BIRC6: variants seen among roughly 807,000 people sequenced by gnomAD.
The protein encoded by BIRC6 is baculoviral IAP repeat containing 6, also known as dual E2 ubiquitin-conjugating enzyme/E3 ubiquitin-protein ligase BIRC6.
BIRC6 carries 98 observed loss-of-function variants against 503.3 expected under a neutral mutation model. The observed-to-expected ratio is 0.19, with a 90% CI of 0.17 to 0.23. BIRC6 has a LOEUF of 0.23. Ranked by LOEUF, BIRC6 falls within the 10% of genes least tolerant of loss-of-function variation. The pLI is 1.00. For missense variants in BIRC6, 5,360 were observed against 5,806.0 expected (o/e 0.92, Z 2.50); for synonymous variants, 2,240 against 2,078.7 (o/e 1.08, Z -2.11).
At position 32,469,569 on chromosome 2, in the gene BIRC6, A is replaced by G; in HGVS notation, c.6302A>G (p.Gln2101Arg). The G allele has an allele frequency of 6.2e-7, 1 of 1,613,900 alleles. No individual in the cohort carries two copies. The highest frequency in any genetic ancestry group is 1.1e-5 in the South Asian group (1 of 91,086). Reference protein sequence around the residue: ...WWGQFLSNVLQELYNSEQLLI... With the variant: ...WWGQFLSNVLRELYNSEQLLI... Reference sequence around the variant, plus strand: ...GGTCAATTTCTTTCTAATGTCCTTCAGGAATTGTACAATTCGGAACAGCTT... The same window carrying G: ...GGTCAATTTCTTTCTAATGTCCTTCGGGAATTGTACAATTCGGAACAGCTT... The change falls in exon 30 of 74, where the codon CAG becomes CGG. Residue 2101 changes from glutamine (Q) to arginine (R), a missense_variant. Coordinates refer to ENST00000421745, the MANE Select transcript of BIRC6 (RefSeq NM_016252.4).
intron 66 of BIRC6, among the ~76,000 whole-genome samples, chr2:32,589,439 CTT>C (rs1054264271): frequency 6.6e-6 from 1 of 152,146 alleles, no homozygotes; most frequent in African/African-American, 2.4e-5. Flanking sequence ...CTACCAGACT[CTT>C]TTATTTTAAC....
intron 66 of BIRC6, among the ~76,000 whole-genome samples, chr2:32,577,181 TC>T (rs1325923222): frequency 6.6e-6 from 1 of 152,150 alleles, no homozygotes; most frequent in Non-Finnish European, 1.5e-5. Flanking sequence ...TCCCTGGCCA[TC>T]TGTGTTGCTT....
intron 65 of BIRC6, among the ~76,000 whole-genome samples, chr2:32,561,428 C>T (rs1464263498): frequency 6.6e-6 from 1 of 151,524 alleles, no homozygotes; most frequent in Non-Finnish European, 1.5e-5. Context: ...TTAGTAGAGG[C>T]TGGGTTTCAC....
At chr2:32,365,599 G>A (rs1156305619) in intron 1 of BIRC6, among the ~76,000 whole-genome samples, 3 of 152,038 alleles carry the variant, frequency 2.0e-5, no homozygotes, top group Non-Finnish European at 4.4e-5. Context: ...GATTACAAGT[G>A]TGAGCCACCG....
chr2:32,458,333 T>TA (rs1379213604), intron 23 of BIRC6, among the ~76,000 whole-genome samples: 2 of 152,206 alleles, frequency 1.3e-5, no homozygotes, highest in African/African-American at 4.8e-5. Context: ...TTTTAGCTGA[T>TA]ACCTTTCACA....
chr2:32,407,020 T>C (rs1404371067), intron 9 of BIRC6, among the ~76,000 whole-genome samples: 1 of 152,224 alleles, frequency 6.6e-6, no homozygotes, highest in Non-Finnish European at 1.5e-5. Flanking sequence ...TGTTATTTTG[T>C]AGGAAAAGCT....
Position 32,499,605 on chromosome 2 carries a change from A to G in BIRC6, c.8527A>G (p.Thr2843Ala). The change falls in exon 46 of 74, where the codon ACT (threonine) becomes GCT (alanine). Residue 2843 changes from threonine to alanine, a missense_variant. By Grantham distance (58) the Thr-to-Ala change is moderately conservative. Coordinates refer to ENST00000421745, the MANE Select transcript of BIRC6 (RefSeq NM_016252.4). The part of the protein sequence containing the change: ...LDAQVKLLEF[T>A]LEQNFEVVSV... ...TGCCCAAGTGAAGCTCTTAGAATTC[A>G]CTCTGGAGCAGAATTTTGAAGTCGT... 6.2e-7 allele frequency: 1 copy of G among 1,613,448 alleles called. No homozygotes were observed. Among genetic ancestry groups the G allele is most frequent in the Non-Finnish European group, 8.5e-7 (1 of 1,179,760 alleles).
intron 22 of BIRC6, among the ~76,000 whole-genome samples, chr2:32,451,657 A>C (rs1348181805): frequency 6.6e-6 from 1 of 152,202 alleles, no homozygotes; most frequent in Non-Finnish European, 1.5e-5. Flanking sequence ...TTTCAGGGAG[A>C]TGTGAAGTTC....
rs535063791 is a variant in BIRC6, at chr2:32,536,204, T to C, written c.12291+4653T>C. Among the ~76,000 whole-genome samples, 5 of 152,334 alleles carry C rather than the reference T, an allele frequency of 3.3e-5. No homozygotes were observed. The East Asian group carries it at 9.6e-4, about 29-fold the overall frequency. On this transcript the variant is annotated intron_variant, in intron 61 of 73. Coordinates refer to ENST00000421745, the MANE Select transcript of BIRC6 (RefSeq NM_016252.4). ...TGAGTTCATTGTAGAGTCTGGATAT[T>C]AGCCCTTTGTCAGATGAGTAGATTG... is the stretch of plus-strand genomic sequence containing the variant.
intron 1 of BIRC6, among the ~76,000 whole-genome samples, chr2:32,371,610 T>C (rs918362833): frequency 1.3e-5 from 2 of 152,114 alleles, no homozygotes; most frequent in Non-Finnish European, 2.9e-5. Context: ...CTCAAACTCC[T>C]GAGCTCAGGC....
chr2:32,389,519 G>A (rs1186764574), intron 4 of BIRC6, among the ~76,000 whole-genome samples: 1 of 151,948 alleles, frequency 6.6e-6, no homozygotes, highest in African/African-American at 2.4e-5. Flanking sequence ...TTTTTTGAAT[G>A]CCTATTTTGT....
chr2:32,361,538 G>A (rs1182376555), intron 1 of BIRC6, among the ~76,000 whole-genome samples: 1 of 152,074 alleles, frequency 6.6e-6, no homozygotes, highest in Non-Finnish European at 1.5e-5. Context: ...CTCCCAAAGT[G>A]CATAGTTTAC....
intron 51 of BIRC6, 130 bp from the exon 52 acceptor site, chr2:32,509,607 TA>T: frequency 3.8e-6 from 4 of 1,048,840 alleles, no homozygotes; most frequent in African/African-American, 1.6e-5. Context: ...TGCAGCATTC[TA>T]AAAAAACATG....
intron 21 of BIRC6, among the ~76,000 whole-genome samples, chr2:32,447,331 G>C (rs1194891248): frequency 6.6e-6 from 1 of 150,400 alleles, no homozygotes; most frequent in Non-Finnish European, 1.5e-5. Context: ...AGGGGCGGCC[G>C]GGCAGAAGCG....
intron 8 of BIRC6, among the ~76,000 whole-genome samples, chr2:32,404,169 A>T (rs745803710): frequency 6.6e-6 from 1 of 151,810 alleles, no homozygotes; most frequent in Non-Finnish European, 1.5e-5. Context: ...ACCTCAGATG[A>T]TCCACCTGCC....
rs773783897 is a variant in BIRC6 at position 32,443,600 on chromosome 2, TA to T, written c.4336+14del. 2 of 1,552,748 alleles carry T rather than the reference TA, an allele frequency of 1.3e-6. No homozygotes were observed. The highest frequency in any genetic ancestry group is 3.6e-5 in the Admixed American group (2 of 55,416). ...AGCAACAACTGGTGGTATGTAAAAT[TA>T]ATTTAATCACAAATAGTTATAGTCA... On this transcript the variant is annotated intron_variant, in intron 20 of 73. Transcript: ENST00000421745.
At chr2:32,476,111 A>C in intron 33 of BIRC6, 102 bp from the exon 34 acceptor site, 1 of 824,964 alleles carries the variant, frequency 1.2e-6, no homozygotes, top group Admixed American at 3.4e-5. Context: ...TTTCAAGATA[A>C]TGTGCATTCC....
At chr2:32,576,943 T>C (rs2060308073) in intron 66 of BIRC6, among the ~76,000 whole-genome samples, 2 of 152,112 alleles carry the variant, frequency 1.3e-5, no homozygotes, top group Non-Finnish European at 2.9e-5. Flanking sequence ...AATGTAAAGG[T>C]ATATTTTCTT....
chr2:32,579,464 G>A (rs1364510179), intron 66 of BIRC6, among the ~76,000 whole-genome samples: 2 of 152,124 alleles, frequency 1.3e-5, no homozygotes, highest in Admixed American at 6.6e-5. Flanking sequence ...TAGGTGGGAC[G>A]ATCACTTGAA....
Sources: gnomAD v4.1 joint callset for allele counts (sites outside exome capture counted in the v4.1 genomes callset) on GRCh38, gnomAD v4.1.1 for gene constraint, MANE v1.5 for transcripts, NCBI Gene and HGNC (gene_info 2026-07-23, HGNC 2026-07-21) for gene names.